The following SFI1 variants were observed in gnomAD, a reference collection of about 807,000 sequenced individuals.
SFI1 encodes the protein SFI1 centrin binding protein.
In SFI1, 195 loss-of-function variants were observed where a neutral mutation model predicts 207.5. That is an observed-to-expected ratio of 0.94 (90% CI 0.84 to 1.06). SFI1 has a LOEUF of 1.06. SFI1 is among the 50% of genes least tolerant of loss of function. The pLI is 0.00. For synonymous variants in SFI1, 630 were observed against 598.9 expected (o/e 1.05, Z -0.76); for missense variants, 1,634 against 1,588.0 (o/e 1.03, Z -0.49).
At chr22:31,505,803 G>C (rs9606847) in intron 1 of SFI1, among the ~76,000 whole-genome samples, 33,041 of 152,072 alleles carry the variant, frequency 0.22, 4,591 homozygotes, top group East Asian at 0.44. Context: ...AGGACTGCTT[G>C]AGCATGGGAG....
At chr22:31,601,128 C>CTTTTTTTTTTTTTTTT (rs11354377) in intron 15 of SFI1, among the ~76,000 whole-genome samples, 1 of 80,314 alleles carries the variant, frequency 1.2e-5, no homozygotes, top group Non-Finnish European at 2.4e-5. Context: ...CTTTTCTTTA[C>CTTTTTTTTTTTTTTTT]TTTTTTTTTT....
intron 4 of SFI1, among the ~76,000 whole-genome samples, chr22:31,536,964 G>A (rs1220027391): frequency 6.6e-6 from 1 of 151,106 alleles, no homozygotes. Context: ...TTTCCAGGCT[G>A]GTCTTGAACT....
chr22:31,562,109 C>G (rs757136033), intron 8 of SFI1, among the ~76,000 whole-genome samples: 3 of 152,160 alleles, frequency 2.0e-5, no homozygotes, highest in Non-Finnish European at 4.4e-5. Flanking sequence ...GATCAGCAAA[C>G]TGGCTCACAG....
rs749575722 is a variant in SFI1 at position 31,508,357 on chromosome 22, GAGA to G, written c.79_81del (p.Lys27del). 9.9e-6 allele frequency: 16 copies of G among 1,612,444 alleles called. No homozygotes were observed. Among genetic ancestry groups the G allele is most frequent in the South Asian group, 6.6e-5 (6 of 90,932 alleles). Reference sequence around the variant, plus strand: ...TCAAAAAGTGATTAAGCAGAGAATGGAGAAGAAGGTTGATTCCAGGTGAGTGAT... The same window carrying G: ...TCAAAAAGTGATTAAGCAGAGAATGGAGAAGGTTGATTCCAGGTGAGTGAT... On this transcript the variant is annotated inframe_deletion, in exon 2 of 33. Coordinates refer to ENST00000400288, the MANE Select transcript of SFI1 (RefSeq NM_001007467.3).
Position 31,616,863 on chromosome 22 carries a change from G to A in SFI1, c.3419G>A (p.Gly1140Glu). The change falls in exon 30 of 33, where the codon GGA becomes GAA. Residue 1140 changes from glycine (G) to glutamate (E), a missense_variant. Gly to Glu is a moderately conservative substitution (Grantham distance 98). Transcript: ENST00000400288. ...TTCTCAGCCACCAGGGCTGGGCCTG[G>A]ACTTTCAACTGCAGGTGTGTACCTG... is the stretch of plus-strand genomic sequence containing the variant. ...GDFSATRAGPGLSTAGSLDLE... is the reference protein window; with the variant it reads ...GDFSATRAGPELSTAGSLDLE... 1 of 1,611,608 alleles carries A rather than the reference G, an allele frequency of 6.2e-7. No homozygotes were observed. The highest frequency in any genetic ancestry group is 1.1e-5 in the South Asian group (1 of 90,652).
chr22:31,575,106 GT>G, intron 9 of SFI1, 124 bp from the exon 10 acceptor site: 3 of 521,442 alleles, frequency 5.8e-6, no homozygotes. Flanking sequence ...GTGTGTGTGT[GT>G]GTGTGTGTGT....
intron 2 of SFI1, among the ~76,000 whole-genome samples, chr22:31,514,394 G>A (rs1487221917): frequency 2.7e-5 from 4 of 150,804 alleles, no homozygotes; most frequent in Non-Finnish European, 5.9e-5. Flanking sequence ...TGTAGTCCCA[G>A]CTACTTGGGA....
chr22:31,505,209 T>C (rs5749287), intron 1 of SFI1, among the ~76,000 whole-genome samples: 109,284 of 151,922 alleles, frequency 0.72, 39,433 homozygotes, highest in Middle Eastern at 0.76. Context: ...GAGGCCGAGG[T>C]GGGCAGATCA....
chr22:31,586,521 C>T (rs773460956), intron 14 of SFI1, among the ~76,000 whole-genome samples: 54 of 152,190 alleles, frequency 3.5e-4, no homozygotes, highest in Non-Finnish European at 7.1e-4. Context: ...AGGGCATGGC[C>T]TCTTTTTGCG....
chr22:31,527,242 G>T (rs1384283757), intron 2 of SFI1, among the ~76,000 whole-genome samples: 1 of 152,056 alleles, frequency 6.6e-6, no homozygotes, highest in Admixed American at 6.6e-5. Context: ...CTACCTTTTG[G>T]CTGTTGTGAT....
chr22:31,527,991 G>C (rs958022796), intron 2 of SFI1, among the ~76,000 whole-genome samples: 9 of 152,082 alleles, frequency 5.9e-5, no homozygotes, highest in African/African-American at 9.7e-5. Context: ...GTGGGTGCCT[G>C]TAGTCCCAGC....
At chr22:31,607,462 G>A (rs2147151389) in intron 21 of SFI1, among the ~76,000 whole-genome samples, 1 of 152,038 alleles carries the variant, frequency 6.6e-6, no homozygotes, top group Non-Finnish European at 1.5e-5. Context: ...AATTAGCTGG[G>A]TGTGGTGGTG....
intron 32 of SFI1, 34 bp from the exon 33 acceptor site, chr22:31,618,276 GCTCC>G (rs1569476888): frequency 6.2e-7 from 1 of 1,604,268 alleles, no homozygotes; most frequent in South Asian, 1.1e-5. Context: ...CCCGGGCTGT[GCTCC>G]CTCTCAGCCC....
chr22:31,593,364 C>CG (rs1270523265), intron 15 of SFI1, among the ~76,000 whole-genome samples: 29 of 139,036 alleles, frequency 2.1e-4, no homozygotes, highest in African/African-American at 7.1e-4. Context: ...GATGGGACGG[C>CG]GGGGCAGAGG....
At chr22:31,553,497 A>G (rs549961933) in intron 6 of SFI1, among the ~76,000 whole-genome samples, 2 of 146,826 alleles carry the variant, frequency 1.4e-5, no homozygotes, top group South Asian at 2.2e-4. Flanking sequence ...CTGGGACTAC[A>G]TGGTGCGCTA....
intron 1 of SFI1, among the ~76,000 whole-genome samples, chr22:31,500,001 A>AC (rs1198288236): frequency 4.8e-4 from 71 of 148,192 alleles, no homozygotes; most frequent in South Asian, 1.1e-3. Context: ...AAAAAAAAAA[A>AC]AACATTGAAA....
At chr22:31,511,464 G>GTTTTTTTTTTGTTTTTTTTTTTTTTTT in intron 2 of SFI1, among the ~76,000 whole-genome samples, 1 of 114,558 alleles carries the variant, frequency 8.7e-6, no homozygotes, top group Non-Finnish European at 1.7e-5. Flanking sequence ...CATAGTTTCT[G>GTTTTTTTTTTGTTTTTTTTTTTTTTTT]TTTTTTTTTT....
chr22:31,553,921 A>C (rs1234685145), intron 6 of SFI1, among the ~76,000 whole-genome samples: 6 of 120,254 alleles, frequency 5.0e-5, no homozygotes, highest in Admixed American at 1.2e-4. Context: ...AGGATAACCC[A>C]TTGCAGCCTG....
chr22:31,508,562 C>CA (rs1190669156), intron 2 of SFI1, among the ~76,000 whole-genome samples, 186 bp downstream of exon 2: 1 of 151,980 alleles, frequency 6.6e-6, no homozygotes, highest in Non-Finnish European at 1.5e-5. Context: ...ATGTTACAGT[C>CA]AAAAAACATT....
Sources: gnomAD v4.1 joint callset for allele counts (sites outside exome capture counted in the v4.1 genomes callset) on GRCh38, gnomAD v4.1.1 for gene constraint, MANE v1.5 for transcripts, NCBI Gene and HGNC (gene_info 2026-07-23, HGNC 2026-07-21) for gene names.